Variants in HNRNPC observed in about 807,000 individuals in gnomAD.
The protein encoded by HNRNPC is heterogeneous nuclear ribonucleoprotein C, also known as heterogeneous nuclear ribonucleoproteins C1/C2.
In HNRNPC, 3 loss-of-function variants were observed where a neutral mutation model predicts 33.2. The ratio of observed to expected loss-of-function variants is 0.09; its 90% confidence interval spans 0.04 to 0.23. The LOEUF (loss-of-function observed/expected upper bound fraction) is 0.23. HNRNPC is among the 10% of genes least tolerant of loss of function. The probability of loss-of-function intolerance (pLI) is 1.00; values close to 1 mark genes in which losing one functional copy is unlikely to be tolerated. For missense variants in HNRNPC, 143 were observed against 366.7 expected (o/e 0.39, Z 4.98); for synonymous variants, 121 against 126.7 (o/e 0.96, Z 0.30).
chr14:21,216,668 C>T (rs1457420346), intron 5 of HNRNPC, among the ~76,000 whole-genome samples: 1 of 152,122 alleles, frequency 6.6e-6, no homozygotes, highest in African/African-American at 2.4e-5. Context: ...AAGATCCCAC[C>T]ACTGCACTCC....
chr14:21,214,353 T>G (rs1891928473), intron 5 of HNRNPC, among the ~76,000 whole-genome samples: 1 of 152,226 alleles, frequency 6.6e-6, no homozygotes, highest in Admixed American at 6.5e-5. Flanking sequence ...GTGAAAACAT[T>G]TACAAGATCT....
chr14:21,215,270 G>C (rs771233067), intron 5 of HNRNPC, among the ~76,000 whole-genome samples: 14 of 152,118 alleles, frequency 9.2e-5, no homozygotes, highest in Non-Finnish European at 1.6e-4. Context: ...GTTGAGGACG[G>C]TAAGTGTGAA....
At chr14:21,218,925 T>C (rs1202898526) in intron 5 of HNRNPC, among the ~76,000 whole-genome samples, 1 of 151,544 alleles carries the variant, frequency 6.6e-6, no homozygotes, top group Non-Finnish European at 1.5e-5. Context: ...GCCTGGCTAA[T>C]ATGATGAAAC....
chr14:21,264,231 TG>T (rs1029465585), intron 1 of HNRNPC: 1 of 152,152 alleles, frequency 6.6e-6, no homozygotes, highest in Non-Finnish European at 1.5e-5. Flanking sequence ...AAAAAGTCCG[TG>T]GAGTTTTTGC....
chr14:21,233,045 A>G (rs1894289815), intron 3 of HNRNPC, among the ~76,000 whole-genome samples: 1 of 152,170 alleles, frequency 6.6e-6, no homozygotes, highest in Non-Finnish European at 1.5e-5. Flanking sequence ...TCAAAAAAAA[A>G]AAAAGGACTG....
chr14:21,262,429 T>TCCA (rs1487812347), intron 2 of HNRNPC, among the ~76,000 whole-genome samples: 1 of 152,244 alleles, frequency 6.6e-6, no homozygotes, highest in South Asian at 2.1e-4. Flanking sequence ...CTCATATTAT[T>TCCA]CCATTAGTTT....
chr14:21,234,181 C>T lies in HNRNPC; in HGVS notation c.13G>A (p.Val5Ile), dbSNP rs1056965074. The T allele has an allele frequency of 1.2e-6, 2 of 1,613,812 alleles. No homozygotes were observed. Among genetic ancestry groups the T allele is most frequent in the Non-Finnish European group, 1.7e-6 (2 of 1,179,790 alleles). MASN[V>I]TNKTDPRSMN... ...GAGCGAGGATCTGTCTTGTTGGTAA[C>T]GTTGCTGGCCATCGTGTTTGATGGT... Residue 5 changes from valine (V) to isoleucine (I), a missense_variant, in exon 3 of 9, where the codon GTT (valine) becomes ATT (isoleucine). Val to Ile is a conservative substitution (Grantham distance 29). Coordinates refer to ENST00000553300, the MANE Select transcript of HNRNPC (RefSeq NM_004500.4).
chr14:21,220,301 C>T (rs572723588), intron 5 of HNRNPC, among the ~76,000 whole-genome samples: 1 of 150,470 alleles, frequency 6.6e-6, no homozygotes, highest in East Asian at 1.9e-4. Flanking sequence ...GCAATGGGCA[C>T]AATCTCAGCT....
At chr14:21,259,837 A>G (rs1266102732) in intron 2 of HNRNPC, among the ~76,000 whole-genome samples, 2 of 146,212 alleles carry the variant, frequency 1.4e-5, no homozygotes, top group Non-Finnish European at 3.0e-5. Context: ...ATCTTCCAGG[A>G]GTTTTTGAGA....
At chr14:21,219,460 T>TAC (rs1411544854) in intron 5 of HNRNPC, among the ~76,000 whole-genome samples, 1 of 152,338 alleles carries the variant, frequency 6.6e-6, no homozygotes, top group African/African-American at 2.4e-5. Flanking sequence ...TAACAGTACC[T>TAC]ACCTTTGTCA....
intron 2 of HNRNPC, among the ~76,000 whole-genome samples, chr14:21,260,413 A>G (rs1282753357): frequency 6.6e-6 from 1 of 151,358 alleles, no homozygotes; most frequent in African/African-American, 2.4e-5. Flanking sequence ...ATTAAGGTAG[A>G]AGGAATAAAT....
intron 5 of HNRNPC, among the ~76,000 whole-genome samples, chr14:21,218,704 A>AAAAAAAAAAAAAAAAC (rs1225752731): frequency 4.4e-5 from 6 of 136,794 alleles, no homozygotes; most frequent in African/African-American, 1.4e-4. Flanking sequence ...AAAAAAAAAA[A>AAAAAAAAAAAAAAAAC]AAAACTGAAA....
chr14:21,254,912 A>G (rs1876892141), intron 2 of HNRNPC, among the ~76,000 whole-genome samples: 1 of 145,570 alleles, frequency 6.9e-6, no homozygotes, highest in Admixed American at 7.0e-5. Flanking sequence ...ACAGAGCGAG[A>G]CTCTAGTCTC....
chr14:21,226,898 G>GAAAT (rs751786293), intron 5 of HNRNPC, among the ~76,000 whole-genome samples: 1 of 78,796 alleles, frequency 1.3e-5, no homozygotes. Context: ...AAAAAAAAGG[G>GAAAT]GGGGGGGGGA....
At chr14:21,247,143 C>T (rs12050104) in intron 2 of HNRNPC, among the ~76,000 whole-genome samples, 23,916 of 152,046 alleles carry the variant, frequency 0.16, 2,144 homozygotes, top group Admixed American at 0.24. Context: ...ATATAAGAAT[C>T]CTTATTTATC....
chr14:21,212,358 G>T (rs1891708905), intron 6 of HNRNPC, among the ~76,000 whole-genome samples: 1 of 151,894 alleles, frequency 6.6e-6, no homozygotes, highest in Non-Finnish European at 1.5e-5. Flanking sequence ...GTTCAATATA[G>T]AAAAGTTAAA....
At chr14:21,245,222 G>A (rs757945395) in intron 2 of HNRNPC, among the ~76,000 whole-genome samples, 76 of 152,190 alleles carry the variant, frequency 5.0e-4, no homozygotes, top group Middle Eastern at 3.4e-3. Context: ...TGGGCTGGGA[G>A]CAGTGGCTCA....
intron 1 of HNRNPC, among the ~76,000 whole-genome samples, chr14:21,266,385 A>T (rs1274877017): frequency 6.6e-6 from 1 of 152,046 alleles, no homozygotes; most frequent in Non-Finnish European, 1.5e-5. Flanking sequence ...AGGCATGAGC[A>T]GCCACACCCG....
chr14:21,224,810 T>C (rs1360324158), intron 5 of HNRNPC, among the ~76,000 whole-genome samples: 1 of 152,190 alleles, frequency 6.6e-6, no homozygotes, highest in Non-Finnish European at 1.5e-5. Flanking sequence ...ACATGTGTCA[T>C]CTTTGACCTG....
Sources: allele counts gnomAD v4.1 joint callset (sites outside exome capture counted in the v4.1 genomes callset), GRCh38; gene constraint gnomAD v4.1.1; transcripts MANE v1.5; gene names NCBI Gene and HGNC (gene_info 2026-07-23, HGNC 2026-07-21).